The following FAM167B variants were observed in gnomAD, a reference collection of about 807,000 sequenced individuals.
FAM167B encodes the protein family with sequence similarity 167 member B, also known as protein FAM167B.
FAM167B carries 7 observed loss-of-function variants against 15.4 expected under a neutral mutation model. That is an observed-to-expected ratio of 0.46 (90% CI 0.26 to 0.86). The LOEUF is 0.86. Ranked by LOEUF, FAM167B falls within the 40% of genes least tolerant of loss-of-function variation. FAM167B has a pLI of 0.17. For missense variants in FAM167B, 207 were observed against 208.3 expected, an observed-to-expected ratio of 0.99 and a Z score of 0.04; for synonymous variants, 100 against 94.6, an observed-to-expected ratio of 1.06 and a Z score of -0.33.
chr1:32,247,522 T>C lies in FAM167B; in HGVS notation c.101T>C (p.Leu34Pro). 2 of 1,608,428 alleles carry C rather than the reference T, an allele frequency of 1.2e-6. No homozygotes were observed. The highest frequency in any genetic ancestry group is 1.7e-6 in the Non-Finnish European group (2 of 1,177,314). The stretch of plus-strand genomic sequence containing the variant: ...TCTGTGAAGGCACTGACAGCCAAGC[T>C]GCAGCTGCAGACTCGGCGGCCCTCA... ...LDSVKALTAK[L>P]QLQTRRPSYL... Residue 34 changes from leucine to proline, a missense_variant, in exon 1 of 2, where the codon CTG becomes CCG. Leu to Pro is a moderately conservative substitution (Grantham distance 98, BLOSUM62 -3). Transcript: ENST00000373582.
Position 32,247,381 on chromosome 1 carries a change from C to T in FAM167B, c.-41C>T. 6.8e-7 allele frequency: 1 copy of T among 1,468,436 alleles called. No individual in the cohort carries two copies. Among genetic ancestry groups the T allele is most frequent in the Non-Finnish European group, 9.0e-7 (1 of 1,106,908 alleles). The allele number at this position is 1,468,436 out of a possible 1,614,324, so 91.0% of individuals were successfully genotyped here. ...AATACTGCCAGCCTTTCCCTAATCT[C>T]AGAGCTGCAGCCCTGCCCTGTCACT... On this transcript the variant is annotated 5_prime_UTR_variant, in exon 1 of 2. Coordinates refer to ENST00000373582, the MANE Select transcript of FAM167B (RefSeq NM_032648.3).
At chr1:32,248,321 C>G (rs1176710385) in intron 1 of FAM167B, 50 bp from the exon 2 acceptor site, 2 of 1,457,386 alleles carry the variant, frequency 1.4e-6, no homozygotes, top group African/African-American at 2.8e-5. Flanking sequence ...GGAGAAACGG[C>G]GCGCGGCCGA....
chr1:32,248,617 C>T lies in FAM167B; in HGVS notation c.*16C>T, dbSNP rs772230222. ...CCTCTGCTGAGGAACACCTGTGCCC[C>T]CCGACTCCCCGCCCCCTCTCCCAAT... On this transcript the variant is annotated 3_prime_UTR_variant, in exon 2 of 2. Coordinates refer to ENST00000373582, the MANE Select transcript of FAM167B (RefSeq NM_032648.3). 20 of 1,507,016 alleles carry T rather than the reference C, an allele frequency of 1.3e-5. 1 individual carries two copies. In the African/African-American group the frequency reaches 2.2e-4, roughly 17 times the overall value. The allele number at this position is 1,507,016 out of a possible 1,614,324, so 93.4% of individuals were successfully genotyped here.
Position 32,248,650 on chromosome 1 carries a change from C to T in FAM167B, c.*49C>T. ...CCCGCCCCCTCTCCCAATGCCGCTTCCCCTGCCTGCCTGGGAAGAGGAAAG... is the reference window on the plus strand; with the variant it reads ...CCCGCCCCCTCTCCCAATGCCGCTTTCCCTGCCTGCCTGGGAAGAGGAAAG... On this transcript the variant is annotated 3_prime_UTR_variant, in exon 2 of 2. Coordinates refer to ENST00000373582, the MANE Select transcript of FAM167B (RefSeq NM_032648.3). 7.0e-7 allele frequency: 1 copy of T among 1,438,256 alleles called. No homozygotes were observed. The highest frequency in any genetic ancestry group is 9.2e-7 in the Non-Finnish European group (1 of 1,082,304). 89.1% of individuals were successfully genotyped at this position (1,438,256 alleles called of 1,614,324 possible).
chr1:32,247,470 G>A lies in FAM167B; in HGVS notation c.49G>A (p.Glu17Lys). 6.3e-7 allele frequency: 1 copy of A among 1,596,890 alleles called. No homozygotes were observed. The highest frequency in any genetic ancestry group is 1.3e-5 in the African/African-American group (1 of 74,366). ...KFQAVGEEDE[E>K]DEEGESLDSV... ...CCAGGCAGTGGGTGAAGAGGACGAG[G>A]AGGATGAGGAGGGGGAGAGCCTGGA... Residue 17 changes from glutamate to lysine, a missense_variant, in exon 1 of 2, where the codon GAG (glutamate) becomes AAG (lysine). Coordinates refer to ENST00000373582, the MANE Select transcript of FAM167B (RefSeq NM_032648.3).
intron 1 of FAM167B, 48 bp downstream of exon 1, chr1:32,247,730 C>T (rs1218386553): frequency 1.4e-6 from 2 of 1,444,086 alleles, no homozygotes. Context: ...TCAGGCTGGT[C>T]CTCCTTAGGG....
chr1:32,248,030 C>T (rs905799108), intron 1 of FAM167B, among the ~76,000 whole-genome samples: 6 of 152,194 alleles, frequency 3.9e-5, no homozygotes. Flanking sequence ...CAAAAGGAGG[C>T]ACTGGCCATG....
At position 32,248,501 on chromosome 1, in the gene FAM167B, T is replaced by G; in HGVS notation, c.392T>G (p.Leu131Arg). The G allele has an allele frequency of 6.3e-7, 1 of 1,586,614 alleles. No homozygotes were observed. The highest frequency in any genetic ancestry group is 1.1e-5 in the South Asian group (1 of 87,128). Residue 131 changes from leucine to arginine, a missense_variant, in exon 2 of 2, where the codon CTG (leucine) becomes CGG (arginine). Leu to Arg is a moderately radical substitution (Grantham distance 102, BLOSUM62 -2). Transcript: ENST00000373582. Reference protein sequence around the residue: ...QELLDEAELELELEPGAGLAL... With the variant: ...QELLDEAELERELEPGAGLAL... ...CTGCTGGATGAGGCCGAGCTGGAGC[T>G]GGAGCTGGAGCCCGGGGCCGGCCTA...
At chr1:32,248,287 C>T (rs1045604915) in intron 1 of FAM167B, 84 bp from the exon 2 acceptor site, 3 of 1,171,562 alleles carry the variant, frequency 2.6e-6, no homozygotes, top group Non-Finnish European at 2.4e-6. Context: ...ACAGTCAGTG[C>T]AAAGGCCCAG....
At position 32,248,284 on chromosome 1, in the gene FAM167B, G is replaced by A. The variant is rs1007167340; in HGVS notation, c.262-87G>A. The A allele has an allele frequency of 1.1e-5, 12 of 1,130,034 alleles. No individual in the cohort carries two copies. The African/African-American group carries it at 1.9e-4, about 17-fold the overall frequency. The allele number at this position is 1,130,034 out of a possible 1,614,324, so 70.0% of individuals were successfully genotyped here. On this transcript the variant is annotated intron_variant, in intron 1 of 1. Coordinates refer to ENST00000373582, the MANE Select transcript of FAM167B (RefSeq NM_032648.3). ...GAGGGGGCTGGGGAGGACACAGTCA[G>A]TGCAAAGGCCCAGCGTTGCCAGGAA...
Position 32,248,618 on chromosome 1 carries a change from C to CA in FAM167B, c.*17_*18insA. The CA allele has an allele frequency of 6.6e-7, 1 of 1,508,008 alleles. No homozygotes were observed. The highest frequency in any genetic ancestry group is 8.9e-7 in the Non-Finnish European group (1 of 1,128,610). 93.4% of individuals were successfully genotyped at this position (1,508,008 alleles called of 1,614,324 possible). On this transcript the variant is annotated 3_prime_UTR_variant, in exon 2 of 2. Transcript: ENST00000373582. ...CTCTGCTGAGGAACACCTGTGCCCCCCGACTCCCCGCCCCCTCTCCCAATG... is the reference window on the plus strand; with the variant it reads ...CTCTGCTGAGGAACACCTGTGCCCCCACGACTCCCCGCCCCCTCTCCCAATG...
rs1341186017 is a variant in FAM167B, at chr1:32,247,607, T to C, written c.186T>C (p.Pro62=). ...SQAWRRAQAK[P]GPGGPGDICG... Reference sequence around the variant, plus strand: ...CCTGGCGCAGGGCCCAAGCCAAACCTGGACCAGGGGGACCTGGGGACATCT... The same window carrying C: ...CCTGGCGCAGGGCCCAAGCCAAACCCGGACCAGGGGGACCTGGGGACATCT... The change falls in exon 1 of 2, where the codon CCT becomes CCC. Residue 62 remains proline, a synonymous_variant. Transcript: ENST00000373582. 6.5e-7 allele frequency: 1 copy of C among 1,542,364 alleles called. No homozygotes were observed. Among genetic ancestry groups the C allele is most frequent in the Non-Finnish European group, 8.8e-7 (1 of 1,142,474 alleles).
At chr1:32,247,746 G>T in intron 1 of FAM167B, 64 bp downstream of exon 1, 11 of 1,409,776 alleles carry the variant, frequency 7.8e-6, no homozygotes, top group Non-Finnish European at 1.0e-5. Flanking sequence ...TAGGGTCCAA[G>T]ACCACAGGCA....
chr1:32,248,820 C>T lies in FAM167B; in HGVS notation c.*219C>T. 2 of 585,348 alleles carry T rather than the reference C, an allele frequency of 3.4e-6. No individual in the cohort carries two copies. Among genetic ancestry groups the T allele is most frequent in the Non-Finnish European group, 6.1e-6 (2 of 330,492 alleles). The allele number at this position is 585,348 out of a possible 1,614,324, so 36.3% of individuals were successfully genotyped here. Reference sequence around the variant, plus strand: ...GAGGGGGAGGAGGAGGAGCTCACACCCTCAAACTCCTCAATAAACGCTTTC... The same window carrying T: ...GAGGGGGAGGAGGAGGAGCTCACACTCTCAAACTCCTCAATAAACGCTTTC... On this transcript the variant is annotated 3_prime_UTR_variant, in exon 2 of 2. Transcript: ENST00000373582.
intron 1 of FAM167B, 50 bp from the exon 2 acceptor site, chr1:32,248,321 C>T: frequency 6.9e-7 from 1 of 1,457,500 alleles, no homozygotes; most frequent in Non-Finnish European, 9.1e-7. Context: ...GGAGAAACGG[C>T]GCGCGGCCGA....
intron 1 of FAM167B, 75 bp from the exon 2 acceptor site, chr1:32,248,296 A>G: frequency 7.9e-7 from 1 of 1,266,718 alleles, no homozygotes; most frequent in South Asian, 1.4e-5. Flanking sequence ...GCAAAGGCCC[A>G]GCGTTGCCAG....
rs11567840 is a variant in FAM167B, at chr1:32,247,709, G to T, written c.261+27G>T. 1,859 of 1,455,712 alleles carry T rather than the reference G, an allele frequency of 1.3e-3. 4 individuals carry two copies. Among genetic ancestry groups the T allele is most frequent in the Non-Finnish European group, 1.6e-3 (1,732 of 1,101,384 alleles). The allele number at this position is 1,455,712 out of a possible 1,614,324, so 90.2% of individuals were successfully genotyped here. ...TGAGTCTGGTGGGGTGGGCAGCTTT[G>T]CCCAGGGCCTTCAGGCTGGTCCTCC... On this transcript the variant is annotated intron_variant, in intron 1 of 1. Transcript: ENST00000373582.
Position 32,247,482 on chromosome 1 carries a change from G to T in FAM167B, c.61G>T (p.Gly21Trp). The change falls in exon 1 of 2, where the codon GGG becomes TGG. Residue 21 changes from glycine to tryptophan, a missense_variant. Gly to Trp is a radical substitution (Grantham distance 184, BLOSUM62 -2). Transcript: ENST00000373582. ...TGAAGAGGACGAGGAGGATGAGGAGGGGGAGAGCCTGGACTCTGTGAAGGC... is the reference window on the plus strand; with the variant it reads ...TGAAGAGGACGAGGAGGATGAGGAGTGGGAGAGCCTGGACTCTGTGAAGGC... ...VGEEDEEDEE[G>W]ESLDSVKALT... 7 of 1,603,064 alleles carry T rather than the reference G, an allele frequency of 4.4e-6. No homozygotes were observed. Among genetic ancestry groups the T allele is most frequent in the Non-Finnish European group, 6.0e-6 (7 of 1,174,724 alleles).
In FAM167B at chr1:32,247,561, C is replaced by T; in HGVS notation, c.140C>T (p.Thr47Ile). 6.3e-7 allele frequency: 1 copy of T among 1,599,978 alleles called. No individual in the cohort carries two copies. Among genetic ancestry groups the T allele is most frequent in the African/African-American group, 1.3e-5 (1 of 74,538 alleles). ...QTRRPSYLEW[T>I]AQVQSQAWRR... ...CGGCGGCCCTCATATCTGGAGTGGA[C>T]AGCCCAGGTCCAGAGCCAGGCCTGG... Residue 47 changes from threonine (T) to isoleucine (I), a missense_variant, in exon 1 of 2, where the codon ACA becomes ATA. Transcript: ENST00000373582.
Sources: allele counts gnomAD v4.1 joint callset (sites outside exome capture counted in the v4.1 genomes callset), GRCh38; gene constraint gnomAD v4.1.1; transcripts MANE v1.5; gene names NCBI Gene and HGNC (gene_info 2026-07-23, HGNC 2026-07-21).